Variants in RBFOX1 observed in about 807,000 individuals in gnomAD.
RBFOX1 encodes the protein RNA binding protein fox-1 homolog 1.
Under a neutral mutation model 57.7 loss-of-function variants are expected in RBFOX1, and 8 were observed. The observed-to-expected ratio is 0.14, with a 90% CI of 0.08 to 0.25. RBFOX1 has a LOEUF of 0.25. Among genes scored for constraint, RBFOX1 ranks in the 10% least tolerant of loss-of-function variants. RBFOX1 has a pLI of 1.00. For missense variants in RBFOX1, 611 were observed against 548.5 expected, an observed-to-expected ratio of 1.11 and a Z score of -1.14; for synonymous variants, 326 against 222.4, an observed-to-expected ratio of 1.47 and a Z score of -4.15.
chr16:5,830,106 T>C (rs980156892), intron 3 of RBFOX1, among the ~76,000 whole-genome samples: 1 of 152,208 alleles, frequency 6.6e-6, no homozygotes, highest in Non-Finnish European at 1.5e-5. Flanking sequence ...AGCATCCATC[T>C]TGTGGGCTGC....
intron 4 of RBFOX1, among the ~76,000 whole-genome samples, chr16:7,310,888 T>C (rs539812016): frequency 2.0e-4 from 31 of 152,318 alleles, no homozygotes; most frequent in African/African-American, 6.7e-4. Flanking sequence ...TCCTCACAGA[T>C]AGTCTGTTAC....
chr16:7,443,543 A>T (rs1345461406), intron 4 of RBFOX1, among the ~76,000 whole-genome samples: 1 of 151,940 alleles, frequency 6.6e-6, no homozygotes, highest in East Asian at 1.9e-4. Context: ...TTGTTGGTGT[A>T]ATAAGTATCC....
intron 1 of RBFOX1, chr16:5,289,139 A>G (rs1165879860): frequency 8.7e-6 from 2 of 229,074 alleles, no homozygotes; most frequent in Non-Finnish European, 1.8e-5. Context: ...AACAAAAAAA[A>G]CACACAACAA....
At chr16:7,697,095 G>A (rs145052608) in intron 14 of RBFOX1, among the ~76,000 whole-genome samples, 2 of 152,312 alleles carry the variant, frequency 1.3e-5, no homozygotes, top group African/African-American at 4.8e-5. Flanking sequence ...TGACTTTAAT[G>A]ATCAGATAAG....
chr16:5,978,549 T>G (rs530490312), intron 4 of RBFOX1, among the ~76,000 whole-genome samples: 1 of 152,292 alleles, frequency 6.6e-6, no homozygotes, highest in South Asian at 2.1e-4. Flanking sequence ...GTGTTTCCAT[T>G]AATCACCTGT....
Position 7,052,107 on chromosome 16 carries a change from A to G in RBFOX1, c.27+9A>G, listed in dbSNP as rs1406083868. The G allele has an allele frequency of 2.5e-6, 4 of 1,594,442 alleles. No individual in the cohort carries two copies. In the East Asian group the frequency reaches 9.0e-5, roughly 36 times the overall value. ...AAAGAGAGCAGCTAAGGGTAGGTGC[A>G]CCTGCTTGTAAAATGCTTCCTGATT... On this transcript the variant is annotated intron_variant, in intron 4 of 15. Coordinates refer to ENST00000550418, the MANE Select transcript of RBFOX1 (RefSeq NM_018723.4).
At chr16:7,680,903 T>TAC (rs895671324) in intron 14 of RBFOX1, among the ~76,000 whole-genome samples, 18 of 119,182 alleles carry the variant, frequency 1.5e-4, no homozygotes, top group East Asian at 2.2e-4. Context: ...CACACACACG[T>TAC]ACACACACAC....
At position 5,974,123 on chromosome 16, in the gene RBFOX1, T is replaced by A. The variant is rs114061122; in HGVS notation, c.351+106788T>A. ...CTCAGCCCAGTGAGAATAGAATACA[T>A]TCTTAACCATTGTTCTCTATATGGC... On this transcript the variant is annotated intron_variant, in intron 4 of 19. Coordinates refer to the RBFOX1 transcript ENST00000641259. Among the ~76,000 whole-genome samples, 863 of 152,312 alleles carry A rather than the reference T, an allele frequency of 5.7e-3. 8 individuals are homozygous for A. The highest frequency in any genetic ancestry group is 0.02 in the African/African-American group (824 of 41,564).
intron 1 of RBFOX1, among the ~76,000 whole-genome samples, chr16:5,280,510 G>A (rs1246830426): frequency 6.6e-6 from 1 of 152,170 alleles, no homozygotes; most frequent in Non-Finnish European, 1.5e-5. Flanking sequence ...AGAAGAATTG[G>A]TGTTTGTTTT....
intron 1 of RBFOX1, among the ~76,000 whole-genome samples, chr16:5,411,009 A>G (rs2151463654): frequency 6.6e-6 from 1 of 152,366 alleles, no homozygotes; most frequent in South Asian, 2.1e-4. Flanking sequence ...AAGTGCTTCC[A>G]ACCTAGTAAG....
intron 4 of RBFOX1, among the ~76,000 whole-genome samples, chr16:7,355,640 T>C (rs1235809510): frequency 6.6e-6 from 1 of 152,230 alleles, no homozygotes. Flanking sequence ...AGGTCCACTC[T>C]ATCATTCTAT....
intron 3 of RBFOX1, among the ~76,000 whole-genome samples, chr16:6,736,205 T>G (rs531692858): frequency 2.0e-5 from 3 of 152,140 alleles, no homozygotes; most frequent in Admixed American, 2.0e-4. Flanking sequence ...CATAAGTTAT[T>G]GGGGTACAGT....
intron 1 of RBFOX1, among the ~76,000 whole-genome samples, chr16:6,064,064 T>C (rs1202045511): frequency 1.3e-5 from 2 of 152,208 alleles, no homozygotes; most frequent in African/African-American, 4.8e-5. Context: ...TTGTACATAT[T>C]GTATGCGAGT....
chr16:5,886,029 C>T (rs943227328), intron 4 of RBFOX1, among the ~76,000 whole-genome samples: 1 of 152,042 alleles, frequency 6.6e-6, no homozygotes, highest in Non-Finnish European at 1.5e-5. Context: ...TGGGTAACAC[C>T]TCTCCCTTCA....
intron 1 of RBFOX1, among the ~76,000 whole-genome samples, chr16:6,252,077 C>G (rs1418764093): frequency 1.3e-5 from 2 of 152,082 alleles, no homozygotes; most frequent in Non-Finnish European, 2.9e-5. Flanking sequence ...CTGAGCATTT[C>G]TAAGCATCCT....
chr16:7,411,980 C>T (rs915351286), intron 4 of RBFOX1, among the ~76,000 whole-genome samples: 6 of 151,594 alleles, frequency 4.0e-5, no homozygotes, highest in East Asian at 1.9e-4. Context: ...GAGTCACGGC[C>T]GCCCAGATGC....
rs192239804 is a variant in RBFOX1, at chr16:6,818,409, G to T, written c.-16+163759G>T. Among the ~76,000 whole-genome samples, 5 of 152,034 alleles carry T rather than the reference G, an allele frequency of 3.3e-5. No homozygotes were observed. In the East Asian group the frequency reaches 7.7e-4, roughly 24 times the overall value. On this transcript the variant is annotated intron_variant, in intron 3 of 15. Coordinates refer to ENST00000550418, the MANE Select transcript of RBFOX1 (RefSeq NM_018723.4). ...TTAGAAGAAATGAACTTCATCTGAC[G>T]TACAGATCCATGAGTGGCCAAAAAG...
At chr16:5,964,577 G>A (rs1040208888) in intron 4 of RBFOX1, among the ~76,000 whole-genome samples, 1 of 151,972 alleles carries the variant, frequency 6.6e-6, no homozygotes, top group African/African-American at 2.4e-5. Context: ...ATGTATCTAT[G>A]TGTGTATATA....
chr16:5,585,393 T>C (rs1489360056), intron 2 of RBFOX1, among the ~76,000 whole-genome samples: 1 of 152,230 alleles, frequency 6.6e-6, no homozygotes, highest in Non-Finnish European at 1.5e-5. Context: ...CCATGTTTTA[T>C]TGATCTGTTC....
Sources: allele counts gnomAD v4.1 joint callset (sites outside exome capture counted in the v4.1 genomes callset), GRCh38; gene constraint gnomAD v4.1.1; transcripts MANE v1.5; gene names NCBI Gene and HGNC (gene_info 2026-07-23, HGNC 2026-07-21).